The following UNC5C variants were observed in gnomAD, a reference collection of about 807,000 sequenced individuals.
UNC5C encodes the protein unc-5 netrin receptor C.
A neutral mutation model predicts 99.8 loss-of-function variants in UNC5C; 47 were observed. That is an observed-to-expected ratio of 0.47 (90% confidence interval 0.37 to 0.60). The LOEUF (loss-of-function observed/expected upper bound fraction) is 0.60, where lower values mean the gene tolerates loss of function less well. UNC5C is among the 20% of genes least tolerant of loss of function. The pLI is 0.00. For synonymous variants in UNC5C, 487 were observed against 452.2 expected (o/e 1.08, Z -0.98); for missense variants, 1,062 against 1,165.9 (o/e 0.91, Z 1.30).
rs191027696 is a variant in UNC5C, at chr4:95,190,365, A to G, written c.2137-5169T>C. On this transcript the variant is annotated intron_variant, in intron 12 of 15. Transcript: ENST00000453304. ...TGGGGTGGGGGGAGGCGGGAGGGAT[A>G]GCATTAGGAGATATACCTAATGTAA... Among the ~76,000 whole-genome samples, 42 of 152,192 alleles carry G rather than the reference A, an allele frequency of 2.8e-4. No individual in the cohort carries two copies. The East Asian group carries it at 6.0e-3, about 22-fold the overall frequency.
intron 1 of UNC5C, among the ~76,000 whole-genome samples, chr4:95,430,916 TGAG>T (rs1362791688): frequency 6.6e-6 from 1 of 152,102 alleles, no homozygotes; most frequent in Non-Finnish European, 1.5e-5. Context: ...AACATGGCTT[TGAG>T]GAATTCACAG....
chr4:95,368,400 T>A (rs1462957305), intron 1 of UNC5C, among the ~76,000 whole-genome samples: 4 of 151,146 alleles, frequency 2.6e-5, no homozygotes, highest in South Asian at 2.1e-4. Context: ...TCAATTCATT[T>A]AAAAATGTAA....
rs145205148 is a variant in UNC5C, at chr4:95,253,675, C to T, written c.595-3008G>A. Among the ~76,000 whole-genome samples the T allele has an allele frequency of 7.3e-3, 1,111 of 152,228 alleles. 15 individuals are homozygous for T. The highest frequency in any genetic ancestry group is 0.025 in the African/African-American group (1,046 of 41,536). ...GGGTCCTACAGCTAGAAAATAGCTG[C>T]GGGAATGAAGAGGGGGGCCCAGGAC... On this transcript the variant is annotated intron_variant, in intron 4 of 15. Transcript: ENST00000453304.
In UNC5C at chr4:95,278,284, G is replaced by A; in HGVS notation, c.569C>T (p.Pro190Leu). 1 of 1,614,008 alleles carries A rather than the reference G, an allele frequency of 6.2e-7. No individual in the cohort carries two copies. Among genetic ancestry groups the A allele is most frequent in the Non-Finnish European group, 8.5e-7 (1 of 1,179,966 alleles). Residue 190 changes from proline to leucine, a missense_variant, in exon 4 of 16, where the codon CCA becomes CTA. Around this residue, in one of 3 missense-constraint regions of UNC5C, gnomAD observed 249 missense variants for 295.1 expected, o/e 0.84. Transcript: ENST00000453304. The stretch of plus-strand genomic sequence containing the variant: ...CTCAGCCACTGGGATCCCTTCAGGT[G>A]GTCGACACTGGAGTAAGACTTCCTG... Reference protein sequence around the residue: ...LEQEVLLQCRPPEGIPVAEVE... With the variant: ...LEQEVLLQCRLPEGIPVAEVE...
rs1207038983 is a variant in UNC5C, at chr4:95,166,725, C to G, written c.*2509G>C. ...CATAGATGATTCCACAACCCTGGTA[C>G]TGATGCGTAATCTTGACAAGTTTAT... On this transcript the variant is annotated 3_prime_UTR_variant, in exon 16 of 16. Coordinates refer to ENST00000453304, the MANE Select transcript of UNC5C (RefSeq NM_003728.4). The G allele has an allele frequency of 6.6e-6, 1 of 152,184 alleles. No individual in the cohort carries two copies. The highest frequency in any genetic ancestry group is 1.5e-5 in the Non-Finnish European group (1 of 68,032). 9.4% of individuals were successfully genotyped at this position (152,184 alleles called of 1,614,324 possible).
chr4:95,395,901 T>C (rs1233080354), intron 1 of UNC5C, among the ~76,000 whole-genome samples: 3 of 152,208 alleles, frequency 2.0e-5, no homozygotes, highest in African/African-American at 7.2e-5. Flanking sequence ...CCATGAAGAC[T>C]GGCCTGTTGG....
chr4:95,517,737 G>A (rs1459341044), intron 1 of UNC5C, among the ~76,000 whole-genome samples: 1 of 152,116 alleles, frequency 6.6e-6, no homozygotes, highest in Non-Finnish European at 1.5e-5. Flanking sequence ...TGGTCATTTT[G>A]GCATGATCAC....
chr4:95,452,574 C>A (rs1326980937), intron 1 of UNC5C, among the ~76,000 whole-genome samples: 1 of 152,092 alleles, frequency 6.6e-6, no homozygotes, highest in Non-Finnish European at 1.5e-5. Flanking sequence ...ATGAAATGAG[C>A]AGAAAACAAT....
intron 1 of UNC5C, among the ~76,000 whole-genome samples, chr4:95,443,842 C>T (rs561425436): frequency 6.6e-6 from 1 of 152,180 alleles, no homozygotes; most frequent in South Asian, 2.1e-4. Context: ...ATTTGATCTA[C>T]TCTCTCTTGA....
chr4:95,404,917 G>A (rs1245047920), intron 1 of UNC5C, among the ~76,000 whole-genome samples: 1 of 152,138 alleles, frequency 6.6e-6, no homozygotes, highest in African/African-American at 2.4e-5. Flanking sequence ...GTCTGGCTGG[G>A]GGCAGTTGAA....
intron 7 of UNC5C, among the ~76,000 whole-genome samples, chr4:95,235,062 G>C (rs1400336799): frequency 1.3e-5 from 2 of 152,118 alleles, no homozygotes; most frequent in Non-Finnish European, 2.9e-5. Flanking sequence ...AAATACTTGT[G>C]TTACTGGCTA....
At chr4:95,262,105 T>C (rs1413466119) in intron 4 of UNC5C, among the ~76,000 whole-genome samples, 1 of 152,114 alleles carries the variant, frequency 6.6e-6, no homozygotes, top group Non-Finnish European at 1.5e-5. Flanking sequence ...TACATGAGAG[T>C]GTAAAAACCT....
intron 1 of UNC5C, among the ~76,000 whole-genome samples, chr4:95,452,737 G>A (rs1271839557): frequency 2.0e-5 from 3 of 152,146 alleles, no homozygotes; most frequent in Admixed American, 6.5e-5. Context: ...AACAGAGAAT[G>A]AAGGCACATG....
chr4:95,520,316 G>A lies in UNC5C; in HGVS notation c.124+28418C>T, dbSNP rs183566933. 1.3e-3 allele frequency among the ~76,000 whole-genome samples: 201 copies of A among 152,262 alleles called. 1 individual carries two copies. The highest frequency in any genetic ancestry group is 4.3e-3 in the African/African-American group (179 of 41,554). On this transcript the variant is annotated intron_variant, in intron 1 of 15. Coordinates refer to ENST00000453304, the MANE Select transcript of UNC5C (RefSeq NM_003728.4). The stretch of plus-strand genomic sequence containing the variant: ...TATCTACCGTAAGATTCAAATATAA[G>A]TCAAGAGTAAAATTCAACACTTAAA...
At chr4:95,318,304 G>A (rs942251058) in intron 2 of UNC5C, among the ~76,000 whole-genome samples, 1 of 152,142 alleles carries the variant, frequency 6.6e-6, no homozygotes, top group Non-Finnish European at 1.5e-5. Flanking sequence ...AAGCCCAGGA[G>A]TGCCAGGGCA....
chr4:95,400,384 CTTTTT>C (rs1171870515), intron 1 of UNC5C, among the ~76,000 whole-genome samples: 56 of 65,792 alleles, frequency 8.5e-4, no homozygotes, highest in African/African-American at 2.8e-3. Flanking sequence ...GAGATGAATT[CTTTTT>C]TTTTTTTTTT....
chr4:95,372,499 A>AGGTATTAT (rs1240089712), intron 1 of UNC5C, among the ~76,000 whole-genome samples: 1 of 152,148 alleles, frequency 6.6e-6, no homozygotes, highest in Admixed American at 6.6e-5. Context: ...TTGCTCTGTT[A>AGGTATTAT]GGTATTATTG....
chr4:95,503,622 T>C (rs911232797), intron 1 of UNC5C, among the ~76,000 whole-genome samples: 1 of 152,152 alleles, frequency 6.6e-6, no homozygotes, highest in Admixed American at 6.5e-5. Context: ...AGAATAGATG[T>C]CAAATAAAAT....
In UNC5C at chr4:95,170,211, G is replaced by T; in HGVS notation, c.2573C>A (p.Ala858Asp). Residue 858 changes from alanine (A) to aspartate (D), a missense_variant, in exon 15 of 16, where the codon GCC becomes GAC. Ala to Asp is a moderately radical substitution (Grantham distance 126, BLOSUM62 -2). Coordinates refer to ENST00000453304, the MANE Select transcript of UNC5C (RefSeq NM_003728.4). ...CCAGTCATGGCCTCTCGTCTGGGGG[G>T]CATCCAGGCTGCTACAGAGCTTCTG... The part of the protein sequence containing the change: ...IRQKLCSSLD[A>D]PQTRGHDWRM... 6.2e-7 allele frequency: 1 copy of T among 1,614,158 alleles called. No homozygotes were observed. The highest frequency in any genetic ancestry group is 8.5e-7 in the Non-Finnish European group (1 of 1,180,036).
Sources: allele counts gnomAD v4.1 joint callset (sites outside exome capture counted in the v4.1 genomes callset), GRCh38; gene constraint gnomAD v4.1.1; regional missense constraint gnomAD v4.1.1; transcripts MANE v1.5; gene names NCBI Gene and HGNC (gene_info 2026-07-23, HGNC 2026-07-21).